The following TMTC4 variants were observed in gnomAD, a reference collection of about 807,000 sequenced individuals.
The protein encoded by TMTC4 is transmembrane O-mannosyltransferase targeting cadherins 4.
In TMTC4, 65 loss-of-function variants were observed where a neutral mutation model predicts 86.0. The observed-to-expected ratio is 0.76, with a 90% CI of 0.62 to 0.93. The LOEUF (loss-of-function observed/expected upper bound fraction) is 0.93, where lower values mean the gene tolerates loss of function less well. Ranked by LOEUF, TMTC4 falls within the 40% of genes least tolerant of loss-of-function variation. The probability of loss-of-function intolerance (pLI) is 0.00; values close to 1 mark genes in which losing one functional copy is unlikely to be tolerated. For missense variants in TMTC4, 866 were observed against 948.1 expected (o/e 0.91, Z 1.14); for synonymous variants, 379 against 382.5 (o/e 0.99, Z 0.11).
At chr13:100,622,270 C>G (rs74118110) in intron 15 of TMTC4, among the ~76,000 whole-genome samples, 8,731 of 152,246 alleles carry the variant, frequency 0.057, 432 homozygotes, top group African/African-American at 0.13. Flanking sequence ...TCTGTGCCCA[C>G]GAAGAAATAA....
intron 1 of TMTC4, 30 bp downstream of exon 1, chr13:100,674,714 C>T: frequency 1.0e-6 from 1 of 983,470 alleles, no homozygotes; most frequent in Non-Finnish European, 1.2e-6. Flanking sequence ...GCGGCGCGCT[C>T]GGCCCTGCAG....
At chr13:100,655,835 G>C (rs1454335252) in intron 6 of TMTC4, among the ~76,000 whole-genome samples, 1 of 143,032 alleles carries the variant, frequency 7.0e-6, no homozygotes, top group Non-Finnish European at 1.5e-5. Context: ...CATGCCCTGA[G>C]TGGGCACTGG....
chr13:100,634,677 G>T, intron 12 of TMTC4, 128 bp downstream of exon 12: 5 of 1,215,650 alleles, frequency 4.1e-6, no homozygotes, highest in Non-Finnish European at 5.5e-6. Context: ...ACATAACAAA[G>T]AAAAACCCAA....
intron 2 of TMTC4, among the ~76,000 whole-genome samples, 161 bp from the exon 3 acceptor site, chr13:100,668,955 A>C (rs1886737316): frequency 6.6e-6 from 1 of 152,256 alleles, no homozygotes; most frequent in Non-Finnish European, 1.5e-5. Context: ...TAGTGGGCAG[A>C]AAAGTCACAT....
intron 15 of TMTC4, among the ~76,000 whole-genome samples, chr13:100,620,028 T>C (rs533958214): frequency 6.6e-6 from 1 of 151,948 alleles, no homozygotes; most frequent in Non-Finnish European, 1.5e-5. Context: ...TTGTCTCAAA[T>C]TCTACTCATC....
intron 15 of TMTC4, among the ~76,000 whole-genome samples, chr13:100,623,052 C>A (rs1299920510): frequency 6.6e-6 from 1 of 152,108 alleles, no homozygotes; most frequent in Non-Finnish European, 1.5e-5. Flanking sequence ...ATGGTAAAAA[C>A]CAAAGCCTGG....
In TMTC4 at chr13:100,615,717, T is replaced by G. The variant is rs1878374690; in HGVS notation, c.1837-1287A>C. Among the ~76,000 whole-genome samples the G allele has an allele frequency of 3.9e-5, 6 of 152,270 alleles. 1 individual carries two copies. The South Asian group carries it at 1.2e-3, about 32-fold the overall frequency. On this transcript the variant is annotated intron_variant, in intron 15 of 18. Coordinates refer to ENST00000342624, the MANE Select transcript of TMTC4 (RefSeq NM_032813.5). ...ATCCGCCCACCTTGGCATCCCACAG[T>G]GCTGGGATTACAGGCGTGGGCCACC...
chr13:100,674,358 G>T (rs1014016422), intron 1 of TMTC4: 4 of 976,498 alleles, frequency 4.1e-6, no homozygotes, highest in Non-Finnish European at 4.8e-6. Flanking sequence ...CCCGCGGCCA[G>T]ATGGCCGCTC....
At chr13:100,663,617 C>T (rs968617767) in intron 4 of TMTC4, among the ~76,000 whole-genome samples, 1 of 152,188 alleles carries the variant, frequency 6.6e-6, no homozygotes, top group Non-Finnish European at 1.5e-5. Flanking sequence ...GTATGCCCAC[C>T]AGCCTTCCCC....
intron 6 of TMTC4, among the ~76,000 whole-genome samples, chr13:100,652,401 C>G (rs1419608873): frequency 6.6e-6 from 1 of 152,220 alleles, no homozygotes; most frequent in Middle Eastern, 3.4e-3. Flanking sequence ...ATCACTTGAA[C>G]CTGGGAGGCA....
At chr13:100,654,660 T>C (rs1294581613) in intron 6 of TMTC4, among the ~76,000 whole-genome samples, 2 of 152,132 alleles carry the variant, frequency 1.3e-5, no homozygotes, top group African/African-American at 4.8e-5. Flanking sequence ...AGAAAAAGAA[T>C]ATAAAATGTC....
intron 5 of TMTC4, among the ~76,000 whole-genome samples, chr13:100,658,042 T>C (rs1218095945): frequency 6.6e-6 from 1 of 151,830 alleles, no homozygotes; most frequent in Non-Finnish European, 1.5e-5. Flanking sequence ...GCTTAACAGA[T>C]CTGGAACAAG....
intron 7 of TMTC4, among the ~76,000 whole-genome samples, chr13:100,639,377 G>C (rs1290471129): frequency 6.6e-6 from 1 of 152,162 alleles, no homozygotes; most frequent in East Asian, 1.9e-4. Context: ...GACCGTTTCT[G>C]CCTGGTTGAA....
chr13:100,607,562 A>G (rs1193032784), intron 17 of TMTC4, among the ~76,000 whole-genome samples: 3 of 149,804 alleles, frequency 2.0e-5, no homozygotes, highest in Non-Finnish European at 2.9e-5. Context: ...TTAACCAAAC[A>G]AATTTGTTGG....
chr13:100,648,504 T>C lies in TMTC4; in HGVS notation c.641-6193A>G, dbSNP rs1036652646. The stretch of plus-strand genomic sequence containing the variant: ...CATATGGCTCCTGTGGTATTTCGAT[T>C]GCATGGCAGTGTCTAGACCATGTGA... On this transcript the variant is annotated intron_variant, in intron 6 of 18. Transcript: ENST00000342624. Among the ~76,000 whole-genome samples, 5 of 152,342 alleles carry C rather than the reference T, an allele frequency of 3.3e-5. No individual in the cohort carries two copies. In the South Asian group the frequency reaches 1.0e-3, roughly 32 times the overall value.
At chr13:100,661,997 T>C (rs573482122) in intron 5 of TMTC4, among the ~76,000 whole-genome samples, 6 of 152,184 alleles carry the variant, frequency 3.9e-5, no homozygotes, top group Non-Finnish European at 7.4e-5. Context: ...AGGGTCCACA[T>C]GGTGGTGCAG....
chr13:100,674,827 G>C (rs927938313), upstream of TMTC4: 3 of 976,426 alleles, frequency 3.1e-6, no homozygotes, highest in Admixed American at 1.2e-4. Flanking sequence ...GGACCTGGCA[G>C]GGGGAGGGGC....
In TMTC4 at chr13:100,670,454, T is replaced by C; in HGVS notation, c.-92A>G. 2.8e-6 allele frequency: 4 copies of C among 1,412,772 alleles called. No individual in the cohort carries two copies. The highest frequency in any genetic ancestry group is 3.9e-6 in the Non-Finnish European group (4 of 1,034,716). The allele number at this position is 1,412,772 out of a possible 1,614,324, so 87.5% of individuals were successfully genotyped here. On this transcript the variant is annotated 5_prime_UTR_variant, in exon 2 of 19. Transcript: ENST00000342624. ...CAGGCCGCAACTCTTCCACTGCTTG[T>C]CTCTCGAGCCTCACAGCCTGGCATA...
At chr13:100,650,222 A>G (rs1169566681) in intron 6 of TMTC4, among the ~76,000 whole-genome samples, 7 of 152,230 alleles carry the variant, frequency 4.6e-5, no homozygotes, top group African/African-American at 1.7e-4. Context: ...ATGCCTAGGC[A>G]ATGTTCTTCT....
Sources: gnomAD v4.1 joint callset for allele counts (sites outside exome capture counted in the v4.1 genomes callset) on GRCh38, gnomAD v4.1.1 for gene constraint, MANE v1.5 for transcripts, NCBI Gene and HGNC (gene_info 2026-07-23, HGNC 2026-07-21) for gene names.